Variants in KIAA1217 observed in about 807,000 individuals in gnomAD.
The protein encoded by KIAA1217 is sickle tail protein homolog.
KIAA1217 carries 88 observed loss-of-function variants against 163.9 expected under a neutral mutation model. The observed-to-expected ratio is 0.54, with a 90% CI of 0.45 to 0.64. The LOEUF is 0.64. Among genes scored for constraint, KIAA1217 ranks in the 30% least tolerant of loss-of-function variants. The pLI is 0.00. For synonymous variants in KIAA1217, 903 were observed against 923.1 expected (o/e 0.98, Z 0.39); for missense variants, 2,372 against 2,475.0 (o/e 0.96, Z 0.88).
intron 2 of KIAA1217, among the ~76,000 whole-genome samples, chr10:24,312,085 T>C (rs1379785639): frequency 6.6e-6 from 1 of 152,096 alleles, no homozygotes; most frequent in African/African-American, 2.4e-5. Flanking sequence ...CACAGTTTAT[T>C]TGTAGGATCT....
chr10:24,041,766 A>G (rs1357464690), intron 2 of KIAA1217, among the ~76,000 whole-genome samples: 1 of 152,230 alleles, frequency 6.6e-6, no homozygotes, highest in Non-Finnish European at 1.5e-5. Flanking sequence ...TGCTAAAGCA[A>G]GGAAATATTT....
chr10:24,106,402 G>A (rs1434057784), intron 2 of KIAA1217, among the ~76,000 whole-genome samples: 2 of 151,802 alleles, frequency 1.3e-5, no homozygotes, highest in African/African-American at 4.8e-5. Context: ...CTAGAATGTA[G>A]AGTAAATGGA....
At chr10:23,803,740 A>G (rs1290521489) in intron 1 of KIAA1217, among the ~76,000 whole-genome samples, 2 of 152,238 alleles carry the variant, frequency 1.3e-5, no homozygotes, top group African/African-American at 4.8e-5. Context: ...TAGGATATCT[A>G]TTAAGTAAAC....
At chr10:24,103,915 A>G (rs1475540590) in intron 2 of KIAA1217, among the ~76,000 whole-genome samples, 1 of 152,208 alleles carries the variant, frequency 6.6e-6, no homozygotes, top group Non-Finnish European at 1.5e-5. Context: ...CCAAAAATAG[A>G]CCAACACAAA....
intron 2 of KIAA1217, among the ~76,000 whole-genome samples, chr10:24,118,480 C>T (rs759477234): frequency 2.0e-5 from 3 of 152,208 alleles, no homozygotes; most frequent in Admixed American, 2.0e-4. Flanking sequence ...AGCAGGAAAT[C>T]CTCCATCTGT....
chr10:24,255,425 C>G (rs2075039589), intron 2 of KIAA1217: 3 of 398,818 alleles, frequency 7.5e-6, no homozygotes, highest in Non-Finnish European at 1.5e-5. Context: ...GTCCCGCCAC[C>G]CGTGGGCTCA....
At chr10:24,045,743 G>A (rs1012639289) in intron 2 of KIAA1217, among the ~76,000 whole-genome samples, 1 of 152,092 alleles carries the variant, frequency 6.6e-6, no homozygotes, top group African/African-American at 2.4e-5. Flanking sequence ...ATCTTTGCCT[G>A]TTCCAATCTG....
intron 10 of KIAA1217, among the ~76,000 whole-genome samples, chr10:24,516,063 T>G (rs1242834667): frequency 6.6e-6 from 1 of 152,198 alleles, no homozygotes; most frequent in Non-Finnish European, 1.5e-5. Context: ...AGAGCAAGAC[T>G]CAATCTCTAA....
intron 3 of KIAA1217, among the ~76,000 whole-genome samples, chr10:24,390,555 AAGGGAGAAAG>A (rs1564598087): frequency 7.7e-5 from 11 of 142,288 alleles, no homozygotes; most frequent in South Asian, 4.7e-4. Flanking sequence ...TTTCAAAAGA[AAGGGAGAAAG>A]AGAGAGGGAG....
chr10:24,083,152 G>T (rs1564679290), intron 2 of KIAA1217, among the ~76,000 whole-genome samples: 1 of 152,120 alleles, frequency 6.6e-6, no homozygotes, highest in Non-Finnish European at 1.5e-5. Context: ...TGAAATTGAG[G>T]CACATGTGAG....
chr10:24,216,461 T>C (rs1564842660), intron 1 of KIAA1217, among the ~76,000 whole-genome samples: 1 of 152,190 alleles, frequency 6.6e-6, no homozygotes, highest in Non-Finnish European at 1.5e-5. Context: ...TGTTAATTCA[T>C]CTAGCTGTCC....
At chr10:24,402,658 A>T (rs1364158555) in intron 3 of KIAA1217, among the ~76,000 whole-genome samples, 1 of 152,184 alleles carries the variant, frequency 6.6e-6, no homozygotes, top group Admixed American at 6.5e-5. Flanking sequence ...ACTTTGTAGT[A>T]TTGGCAGACA....
chr10:24,168,528 A>G (rs955670813), intron 2 of KIAA1217, among the ~76,000 whole-genome samples: 1 of 152,214 alleles, frequency 6.6e-6, no homozygotes, highest in East Asian at 1.9e-4. Context: ...TTCTCTCCCT[A>G]CATGGGACAC....
At chr10:24,156,540 G>C (rs2064883887) in intron 2 of KIAA1217, among the ~76,000 whole-genome samples, 1 of 152,096 alleles carries the variant, frequency 6.6e-6, no homozygotes, top group African/African-American at 2.4e-5. Context: ...CCCAAGGTAA[G>C]CCAGTTCCTA....
intron 1 of KIAA1217, among the ~76,000 whole-genome samples, chr10:23,888,880 A>C (rs779147348): frequency 3.0e-4 from 46 of 151,804 alleles, no homozygotes; most frequent in Non-Finnish European, 7.4e-5. Context: ...CAACCAACCG[A>C]TCTGACATTT....
intron 1 of KIAA1217, among the ~76,000 whole-genome samples, chr10:23,785,322 G>A (rs1835442818): frequency 1.3e-5 from 2 of 152,246 alleles, no homozygotes; most frequent in South Asian, 2.1e-4. Flanking sequence ...GCTCTGTGAA[G>A]CTGTTCCAGA....
chr10:24,082,481 T>C (rs954366529), intron 2 of KIAA1217, among the ~76,000 whole-genome samples: 33 of 152,210 alleles, frequency 2.2e-4, no homozygotes, highest in African/African-American at 7.7e-4. Context: ...CACTTATAAG[T>C]GAGAACATGC....
At chr10:23,768,306 TG>T (rs1834633264) in intron 1 of KIAA1217, among the ~76,000 whole-genome samples, 1 of 152,320 alleles carries the variant, frequency 6.6e-6, no homozygotes, top group African/African-American at 2.4e-5. Flanking sequence ...ACAGTGACTT[TG>T]GAAACTCTCA....
intron 2 of KIAA1217, among the ~76,000 whole-genome samples, chr10:24,369,813 AG>A (rs1365917312): frequency 6.6e-6 from 1 of 152,226 alleles, no homozygotes; most frequent in Non-Finnish European, 1.5e-5. Flanking sequence ...GAATTACAAA[AG>A]CATCTGCAGT....
Sources: gnomAD v4.1 joint callset for allele counts (sites outside exome capture counted in the v4.1 genomes callset) on GRCh38, gnomAD v4.1.1 for gene constraint, MANE v1.5 for transcripts, NCBI Gene and HGNC (gene_info 2026-07-23, HGNC 2026-07-21) for gene names.